The following BCKDHB variants were observed in gnomAD, a reference collection of about 807,000 sequenced individuals.
The protein encoded by BCKDHB is 2-oxoisovalerate dehydrogenase subunit beta, mitochondrial.
BCKDHB carries 41 observed loss-of-function variants against 48.5 expected under a neutral mutation model. The observed-to-expected ratio is 0.85, with a 90% CI of 0.66 to 1.10. BCKDHB has a LOEUF of 1.10. BCKDHB is among the 50% of genes least tolerant of loss of function. The probability of loss-of-function intolerance (pLI) is 0.00; values close to 1 mark genes in which losing one functional copy is unlikely to be tolerated. For missense variants in BCKDHB, 496 were observed against 494.2 expected (o/e 1.00, Z -0.03); for synonymous variants, 201 against 174.8 (o/e 1.15, Z -1.18).
the BCKDHB span, among the ~76,000 whole-genome samples, chr6:80,396,516 G>C: frequency 2.0e-5 from 3 of 152,060 alleles, no homozygotes; most frequent in Non-Finnish European, 2.9e-5. Context: ...TGAAATGTGA[G>C]AAAATGAGAT....
At chr6:80,348,923 A>G (rs1223523087), downstream of BCKDHB, among the ~76,000 whole-genome samples, 1 of 152,346 alleles carries the variant, frequency 6.6e-6, no homozygotes, top group East Asian at 1.9e-4. Flanking sequence ...GATATTTACC[A>G]GAAAAGTTGG....
chr6:80,153,893 G>C (rs1562092351), intron 3 of BCKDHB, among the ~76,000 whole-genome samples: 1 of 152,174 alleles, frequency 6.6e-6, no homozygotes, highest in Non-Finnish European at 1.5e-5. Flanking sequence ...ATGCTTTTAA[G>C]CACTGTAGTA....
At chr6:80,327,870 C>T (rs534589056) in intron 9 of BCKDHB, among the ~76,000 whole-genome samples, 2 of 151,912 alleles carry the variant, frequency 1.3e-5, no homozygotes, top group Middle Eastern at 3.4e-3. Flanking sequence ...GTCTTCCTTT[C>T]TCTTTTTTCC....
chr6:80,386,912 A>G, the BCKDHB span, among the ~76,000 whole-genome samples: 1 of 152,132 alleles, frequency 6.6e-6, no homozygotes, highest in Non-Finnish European at 1.5e-5. Flanking sequence ...CCTTGAATGA[A>G]TGGGAGGAGG....
chr6:80,255,997 T>A (rs1777034310), intron 8 of BCKDHB, among the ~76,000 whole-genome samples: 1 of 152,204 alleles, frequency 6.6e-6, no homozygotes, highest in Non-Finnish European at 1.5e-5. Context: ...TTACCTTTGG[T>A]TATTTCCCCC....
chr6:80,153,046 G>A (rs568755710), intron 3 of BCKDHB, among the ~76,000 whole-genome samples: 1 of 152,268 alleles, frequency 6.6e-6, no homozygotes, highest in South Asian at 2.1e-4. Flanking sequence ...TAGTCTGTAA[G>A]TTGCTGTAGA....
the BCKDHB span, among the ~76,000 whole-genome samples, chr6:80,405,880 G>A: frequency 6.6e-6 from 1 of 152,138 alleles, no homozygotes; most frequent in African/African-American, 2.4e-5. Flanking sequence ...AAAACGAGCA[G>A]GTTTGTTACA....
intron 8 of BCKDHB, among the ~76,000 whole-genome samples, chr6:80,245,213 A>G (rs1776561227): frequency 1.3e-5 from 2 of 152,058 alleles, no homozygotes. Flanking sequence ...ATACTGTCTT[A>G]GTGGGAGAGA....
At chr6:80,461,712 T>C in the BCKDHB span, among the ~76,000 whole-genome samples, 28 of 152,188 alleles carry the variant, frequency 1.8e-4, no homozygotes, top group African/African-American at 6.8e-4. Context: ...AATTGTTCAA[T>C]GAGCCATTTT....
intron 8 of BCKDHB, among the ~76,000 whole-genome samples, chr6:80,230,023 G>GTTTTTTTT (rs1215666594): frequency 2.0e-4 from 18 of 89,494 alleles, no homozygotes; most frequent in Middle Eastern, 6.8e-3. Context: ...GGGTTTTTAG[G>GTTTTTTTT]TTGTTTTTTT....
At position 80,106,689 on chromosome 6, in the gene BCKDHB, C is replaced by T. The variant is rs781294324; in HGVS notation, c.-5C>T. 8.4e-6 allele frequency: 13 copies of T among 1,553,074 alleles called. No homozygotes were observed. Among genetic ancestry groups the T allele is most frequent in the African/African-American group, 4.1e-5 (3 of 73,200 alleles). On this transcript the variant is annotated 5_prime_UTR_variant, in exon 1 of 10. Coordinates refer to ENST00000320393, the MANE Select transcript of BCKDHB (RefSeq NM_183050.4). Reference sequence around the variant, plus strand: ...ATAGCCTGAGAATCCCGGTGGTGAGCGGGGATGGCGGTTGTAGCGGCGGCT... The same window carrying T: ...ATAGCCTGAGAATCCCGGTGGTGAGTGGGGATGGCGGTTGTAGCGGCGGCT...
chr6:80,202,094 G>C (rs1452440328), intron 7 of BCKDHB, among the ~76,000 whole-genome samples: 1 of 152,040 alleles, frequency 6.6e-6, no homozygotes, highest in Non-Finnish European at 1.5e-5. Context: ...TCTGTGGTCA[G>C]CTCATGACCT....
chr6:80,152,697 A>G (rs1655880257), intron 3 of BCKDHB, among the ~76,000 whole-genome samples: 1 of 152,190 alleles, frequency 6.6e-6, no homozygotes, highest in African/African-American at 2.4e-5. Flanking sequence ...TAGTTGTAAT[A>G]TATCTTCTAT....
At chr6:80,210,949 G>A (rs74853696) in intron 8 of BCKDHB, among the ~76,000 whole-genome samples, 3,314 of 152,244 alleles carry the variant, frequency 0.022, 65 homozygotes, top group Non-Finnish European at 0.034. Flanking sequence ...TGGCCAGGCC[G>A]AATAGCTGTT....
intron 8 of BCKDHB, among the ~76,000 whole-genome samples, chr6:80,239,735 G>A (rs1243272862): frequency 3.9e-5 from 6 of 152,094 alleles, no homozygotes; most frequent in African/African-American, 7.2e-5. Flanking sequence ...TATGGTTTTA[G>A]GTCTAACATT....
In BCKDHB at chr6:80,159,032, A is replaced by G. The variant is rs150712933; in HGVS notation, c.344-8646A>G. 4.9e-4 allele frequency among the ~76,000 whole-genome samples: 74 copies of G among 152,248 alleles called. 1 individual carries two copies. The East Asian group carries it at 0.012, about 25-fold the overall frequency. On this transcript the variant is annotated intron_variant, in intron 3 of 9. Transcript: ENST00000320393. ...ATTAGGTGTGAGTAAGGGGAACACC[A>G]TTTTCCCTTTACTACTTTCAACTTA... is the stretch of plus-strand genomic sequence containing the variant.
At chr6:80,240,729 T>C (rs1237209802) in intron 8 of BCKDHB, among the ~76,000 whole-genome samples, 1 of 152,210 alleles carries the variant, frequency 6.6e-6, no homozygotes, top group East Asian at 1.9e-4. Flanking sequence ...AGAGAGGGCA[T>C]CCCTGTCTTG....
At chr6:80,232,279 CTT>C (rs879591084) in intron 8 of BCKDHB, among the ~76,000 whole-genome samples, 3 of 146,054 alleles carry the variant, frequency 2.1e-5, no homozygotes, top group Non-Finnish European at 3.0e-5. Flanking sequence ...TTCTTTAACC[CTT>C]TTTTTTTTTA....
chr6:80,142,133 C>A (rs1394547032), intron 3 of BCKDHB, among the ~76,000 whole-genome samples: 1 of 151,262 alleles, frequency 6.6e-6, no homozygotes, highest in African/African-American at 2.4e-5. Context: ...TTTTGGATTA[C>A]AAGCCTGTTC....
Sources: gnomAD v4.1 joint callset for allele counts (sites outside exome capture counted in the v4.1 genomes callset) on GRCh38, gnomAD v4.1.1 for gene constraint, MANE v1.5 for transcripts, NCBI Gene and HGNC (gene_info 2026-07-23, HGNC 2026-07-21) for gene names.